Variants in LRP12 observed in about 807,000 individuals in gnomAD.
LRP12 encodes LDL receptor related protein 12.
LRP12 carries 14 observed loss-of-function variants against 66.0 expected under a neutral mutation model. The observed-to-expected ratio is 0.21, with a 90% CI of 0.14 to 0.33. The LOEUF (loss-of-function observed/expected upper bound fraction) is 0.33. Among genes scored for constraint, LRP12 ranks in the 10% least tolerant of loss-of-function variants. The pLI, the probability that LRP12 is intolerant of heterozygous loss-of-function variation, is 1.00. For synonymous variants in LRP12, 357 were observed against 359.1 expected (o/e 0.99, Z 0.07); for missense variants, 889 against 1,053.4 (o/e 0.84, Z 2.16).
intron 1 of LRP12, among the ~76,000 whole-genome samples, chr8:104,536,326 A>G (rs1811392119): frequency 6.6e-6 from 1 of 152,076 alleles, no homozygotes; most frequent in African/African-American, 2.4e-5. Context: ...ATACTAGGTT[A>G]GGTCATTCTG....
chr8:104,518,685 A>C (rs1244174991), intron 2 of LRP12, among the ~76,000 whole-genome samples: 1 of 152,126 alleles, frequency 6.6e-6, no homozygotes. Flanking sequence ...TAAGAACTAC[A>C]GGCAGAACTG....
In LRP12 at chr8:104,526,921, G is replaced by A. The variant is rs1367318864; in HGVS notation, c.136+4986C>T. On this transcript the variant is annotated intron_variant, in intron 2 of 6. Transcript: ENST00000276654. ...ACCTACAAAATGGGAGAAAATTTTC[G>A]CAACCTACTCATCTGACAAAAGGGC... is the stretch of plus-strand genomic sequence containing the variant. Among the ~76,000 whole-genome samples, 39 of 145,894 alleles carry A rather than the reference G, an allele frequency of 2.7e-4. 1 individual carries two copies. Among genetic ancestry groups the A allele is most frequent in the African/African-American group, 8.8e-4 (32 of 36,372 alleles).
At chr8:104,539,352 G>T (rs867781123) in intron 1 of LRP12, among the ~76,000 whole-genome samples, 1 of 152,178 alleles carries the variant, frequency 6.6e-6, no homozygotes, top group South Asian at 2.1e-4. Context: ...ATATGCAGAA[G>T]AATTTAACAG....
At chr8:104,547,571 TTATTATATATTA>T (rs1811601739) in intron 1 of LRP12, among the ~76,000 whole-genome samples, 1 of 124,012 alleles carries the variant, frequency 8.1e-6, no homozygotes, top group Non-Finnish European at 1.6e-5. Flanking sequence ...ATATTAATAA[TTATTATATATTA>T]ATATATAATA....
chr8:104,508,283 T>C (rs1025869427), intron 3 of LRP12: 1 of 152,228 alleles, frequency 6.6e-6, no homozygotes, highest in African/African-American at 2.4e-5. Context: ...CGTACTGTTT[T>C]TCTCTGCAAG....
chr8:104,548,174 A>ATTAATATACATAAT (rs1221257607), intron 1 of LRP12, among the ~76,000 whole-genome samples: 1 of 99,128 alleles, frequency 1.0e-5, no homozygotes, highest in African/African-American at 4.7e-5. Context: ...TATATATAAT[A>ATTAATATACATAAT]TAATATATAA....
intron 2 of LRP12, among the ~76,000 whole-genome samples, chr8:104,524,971 T>A (rs902122042): frequency 6.6e-6 from 1 of 152,128 alleles, no homozygotes; most frequent in East Asian, 1.9e-4. Context: ...GTAAATCAAC[T>A]TGACGTAAGA....
At chr8:104,520,669 C>T (rs906000209) in intron 2 of LRP12, among the ~76,000 whole-genome samples, 2 of 152,026 alleles carry the variant, frequency 1.3e-5, no homozygotes, top group Non-Finnish European at 2.9e-5. Context: ...ATTTCTATTA[C>T]TGCAGTTTAA....
intron 2 of LRP12, among the ~76,000 whole-genome samples, chr8:104,519,158 T>C (rs1465094374): frequency 6.6e-6 from 1 of 152,064 alleles, no homozygotes; most frequent in Admixed American, 6.6e-5. Flanking sequence ...GTTGCCTAAA[T>C]AGTGTCCTGA....
intron 1 of LRP12, among the ~76,000 whole-genome samples, chr8:104,584,045 A>G (rs1317637259): frequency 1.3e-5 from 2 of 152,078 alleles, no homozygotes; most frequent in Non-Finnish European, 2.9e-5. Context: ...GAATAGATAC[A>G]TTGGTAATTT....
intron 2 of LRP12, among the ~76,000 whole-genome samples, chr8:104,528,771 T>G: frequency 6.7e-6 from 1 of 148,166 alleles, no homozygotes; most frequent in African/African-American, 2.6e-5. Context: ...AGAGTGAGAC[T>G]CCATCTCAAA....
chr8:104,509,740 G>A (rs1169269919), intron 2 of LRP12, among the ~76,000 whole-genome samples: 1 of 152,178 alleles, frequency 6.6e-6, no homozygotes, highest in African/African-American at 2.4e-5. Flanking sequence ...GAGCTCTAAG[G>A]TAAGAATGAA....
chr8:104,575,430 G>A (rs1000105859), intron 1 of LRP12, among the ~76,000 whole-genome samples: 1 of 152,176 alleles, frequency 6.6e-6, no homozygotes, highest in African/African-American at 2.4e-5. Flanking sequence ...AGTGGATTTC[G>A]AAGCCTTGAA....
At chr8:104,579,211 CT>C (rs1812210050) in intron 1 of LRP12, among the ~76,000 whole-genome samples, 3 of 152,142 alleles carry the variant, frequency 2.0e-5, no homozygotes. Flanking sequence ...GCTTCTTAAG[CT>C]GGTAACTACT....
chr8:104,520,809 GC>G (rs1210619524), intron 2 of LRP12, among the ~76,000 whole-genome samples: 1 of 151,966 alleles, frequency 6.6e-6, no homozygotes, highest in Admixed American at 6.6e-5. Context: ...TCATGCCTTG[GC>G]AAAAATTACA....
At chr8:104,542,110 G>A (rs1422799090) in intron 1 of LRP12, among the ~76,000 whole-genome samples, 4 of 152,056 alleles carry the variant, frequency 2.6e-5, no homozygotes, top group Admixed American at 2.6e-4. Flanking sequence ...TTTACATTCT[G>A]ATCAGCAACA....
At chr8:104,575,705 A>G (rs1422109698) in intron 1 of LRP12, among the ~76,000 whole-genome samples, 1 of 152,206 alleles carries the variant, frequency 6.6e-6, no homozygotes, top group Non-Finnish European at 1.5e-5. Context: ...AAACTCAAAA[A>G]GCCAGAGTGC....
chr8:104,548,194 A>ATT (rs561640568), intron 1 of LRP12, among the ~76,000 whole-genome samples: 20 of 79,430 alleles, frequency 2.5e-4, no homozygotes, highest in African/African-American at 1.0e-3. Context: ...ATATATATAT[A>ATT]AATATATGAT....
rs375197448 is a variant in LRP12 at position 104,571,766 on chromosome 8, C to T, written c.79+17053G>A. ...AGACTGCAAACCCTATTGTGAACTG[C>T]ACATGCAAGGGATCTAGGTTGGGAG... On this transcript the variant is annotated intron_variant, in intron 1 of 6. Coordinates refer to ENST00000276654, the MANE Select transcript of LRP12 (RefSeq NM_013437.5). Among the ~76,000 whole-genome samples the T allele has an allele frequency of 9.2e-5, 14 of 152,302 alleles. No homozygotes were observed. In the East Asian group the frequency reaches 1.4e-3, roughly 15 times the overall value.
Sources: allele counts gnomAD v4.1 joint callset (sites outside exome capture counted in the v4.1 genomes callset), GRCh38; gene constraint gnomAD v4.1.1; transcripts MANE v1.5; gene names NCBI Gene and HGNC (gene_info 2026-07-23, HGNC 2026-07-21).